ASIC2: variants seen among roughly 807,000 people sequenced by gnomAD.
ASIC2 encodes acid-sensing ion channel 2.
In ASIC2, 25 loss-of-function variants were observed where a neutral mutation model predicts 57.3. The ratio of observed to expected loss-of-function variants is 0.44; its 90% confidence interval spans 0.32 to 0.61. The LOEUF (loss-of-function observed/expected upper bound fraction) is 0.61. ASIC2 is among the 20% of genes least tolerant of loss of function. The pLI, the probability that ASIC2 is intolerant of heterozygous loss-of-function variation, is 0.06. For missense variants in ASIC2, 641 were observed against 738.1 expected (o/e 0.87, Z 1.52); for synonymous variants, 319 against 307.5 (o/e 1.04, Z -0.39).
At chr17:34,038,171 T>C in intron 1 of ASIC2, 1 of 1,612,678 alleles carries the variant, frequency 6.2e-7, no homozygotes, top group South Asian at 1.1e-5. Flanking sequence ...GAGGTCATAG[T>C]GTATGATGGG....
intron 1 of ASIC2, among the ~76,000 whole-genome samples, chr17:33,126,459 A>G (rs2092323478): frequency 6.6e-6 from 1 of 152,192 alleles, no homozygotes; most frequent in Non-Finnish European, 1.5e-5. Context: ...GTTGCCAGGG[A>G]GACCATGAGT....
At chr17:33,179,405 G>A (rs1446850302) in intron 1 of ASIC2, among the ~76,000 whole-genome samples, 5 of 152,158 alleles carry the variant, frequency 3.3e-5, no homozygotes, top group African/African-American at 7.2e-5. Flanking sequence ...TCAGTCAGCC[G>A]GCATATGGAT....
At chr17:33,739,849 AAG>A (rs1344570590) in intron 1 of ASIC2, among the ~76,000 whole-genome samples, 8 of 151,770 alleles carry the variant, frequency 5.3e-5, no homozygotes, top group South Asian at 2.1e-4. Context: ...AGAAAGAAAA[AAG>A]AGAAAGAAAA....
rs1907936021 is a variant in ASIC2 at position 34,037,536 on chromosome 17, C to T, written c.555+118442G>A. On this transcript the variant is annotated intron_variant, in intron 1 of 9. Coordinates refer to the ASIC2 transcript ENST00000359872. ...TGGTACAGGTTTCATCAGATCCATT[C>T]GGATTCGCTATGTTCCAAACCCGCT... 8 of 1,318,796 alleles carry T rather than the reference C, an allele frequency of 6.1e-6. No individual in the cohort carries two copies. In the African/African-American group the frequency reaches 6.1e-5, roughly 10 times the overall value. 81.7% of individuals were successfully genotyped at this position (1,318,796 alleles called of 1,614,324 possible).
intron 1 of ASIC2, among the ~76,000 whole-genome samples, chr17:33,535,965 C>T (rs1365600160): frequency 6.6e-6 from 1 of 152,154 alleles, no homozygotes; most frequent in Non-Finnish European, 1.5e-5. Context: ...CCAGCCTTAT[C>T]CTGACTAATA....
At chr17:33,827,175 A>T (rs1246213854) in intron 1 of ASIC2, among the ~76,000 whole-genome samples, 3 of 152,084 alleles carry the variant, frequency 2.0e-5, no homozygotes, top group Admixed American at 6.6e-5. Flanking sequence ...AAATACAATC[A>T]TTGAGAGAAG....
chr17:33,397,174 A>G (rs1010311402), intron 1 of ASIC2, among the ~76,000 whole-genome samples: 1 of 152,208 alleles, frequency 6.6e-6, no homozygotes, highest in African/African-American at 2.4e-5. Context: ...AAGGTGGAAA[A>G]GACAACAGAG....
intron 9 of ASIC2, among the ~76,000 whole-genome samples, chr17:33,015,292 C>T (rs2091799924): frequency 1.3e-5 from 2 of 152,162 alleles, no homozygotes; most frequent in Admixed American, 1.3e-4. Context: ...CAGCGAAGGC[C>T]TGAGCCCAGG....
At chr17:33,020,975 G>A (rs1456759214) in intron 7 of ASIC2, among the ~76,000 whole-genome samples, 4 of 152,202 alleles carry the variant, frequency 2.6e-5, no homozygotes, top group African/African-American at 7.2e-5. Context: ...TCATTGCATA[G>A]ATGGGGAAAA....
rs147899022 is a variant in ASIC2 at position 33,554,136 on chromosome 17, G to T, written c.556-442069C>A. ...TGCCTGGGGAAACACTTTGCAAATT[G>T]GTCGGTGATGTTTTTAACTGCCTTG... On this transcript the variant is annotated intron_variant, in intron 1 of 9. Transcript: ENST00000359872. Among the ~76,000 whole-genome samples, 4 of 152,312 alleles carry T rather than the reference G, an allele frequency of 2.6e-5. No individual in the cohort carries two copies. The East Asian group carries it at 5.8e-4, about 22-fold the overall frequency.
intron 1 of ASIC2, among the ~76,000 whole-genome samples, chr17:33,418,490 T>C (rs1910936126): frequency 6.6e-6 from 1 of 152,248 alleles, no homozygotes; most frequent in Non-Finnish European, 1.5e-5. Flanking sequence ...TCTAGGGTTT[T>C]TATGGTTTTA....
intron 1 of ASIC2, chr17:33,534,522 G>A (rs776476514): frequency 6.6e-6 from 1 of 152,174 alleles, no homozygotes; most frequent in Non-Finnish European, 1.5e-5. Context: ...CCTTCAAAGC[G>A]TTTTTAGATC....
chr17:33,311,528 A>G (rs1023324985), intron 1 of ASIC2, among the ~76,000 whole-genome samples: 3 of 152,004 alleles, frequency 2.0e-5, no homozygotes, highest in Admixed American at 6.6e-5. Context: ...TTCTGAGCAT[A>G]TATTCAAATC....
At chr17:33,709,093 C>T (rs1040146201) in intron 1 of ASIC2, among the ~76,000 whole-genome samples, 3 of 152,224 alleles carry the variant, frequency 2.0e-5, no homozygotes, top group South Asian at 4.1e-4. Flanking sequence ...AAAGGTAAAC[C>T]CTACATCTTT....
intron 1 of ASIC2, among the ~76,000 whole-genome samples, chr17:33,682,064 T>TTTTTC (rs1256091314): frequency 1.4e-5 from 2 of 147,362 alleles, no homozygotes; most frequent in African/African-American, 5.2e-5. Flanking sequence ...TGACATCTTT[T>TTTTTC]TTTTTTTTTT....
At chr17:34,099,744 AAGAAAGAAAG>A (rs1910772383) in intron 1 of ASIC2, among the ~76,000 whole-genome samples, 1 of 2,482 alleles carries the variant, frequency 4.0e-4, no homozygotes, top group Non-Finnish European at 1.2e-3. Context: ...GAAAGAAAGA[AAGAAAGAAAG>A]AAAGAAAGAA....
At chr17:33,359,455 C>G (rs530879298) in intron 1 of ASIC2, among the ~76,000 whole-genome samples, 1 of 152,288 alleles carries the variant, frequency 6.6e-6, no homozygotes, top group East Asian at 1.9e-4. Context: ...CCACTACCTA[C>G]TTGGTCAGGG....
chr17:33,124,382 TGC>T (rs1213704470), intron 1 of ASIC2, among the ~76,000 whole-genome samples: 27 of 152,242 alleles, frequency 1.8e-4, no homozygotes, highest in Admixed American at 1.6e-3. Flanking sequence ...GCATGCATGA[TGC>T]CACTCTCCTT....
intron 1 of ASIC2, among the ~76,000 whole-genome samples, chr17:33,311,114 G>A (rs1906398958): frequency 6.6e-6 from 1 of 152,156 alleles, no homozygotes; most frequent in Non-Finnish European, 1.5e-5. Context: ...AGAAAGAGAG[G>A]GAGGCAGCGC....
Sources: gnomAD v4.1 joint callset for allele counts (sites outside exome capture counted in the v4.1 genomes callset) on GRCh38, gnomAD v4.1.1 for gene constraint, MANE v1.5 for transcripts, NCBI Gene and HGNC (gene_info 2026-07-23, HGNC 2026-07-21) for gene names.